The following SFMBT1 variants were observed in gnomAD, a reference collection of about 807,000 sequenced individuals.
SFMBT1 encodes scm-like with four MBT domains protein 1.
In SFMBT1, 32 loss-of-function variants were observed where a neutral mutation model predicts 108.7. The ratio of observed to expected loss-of-function variants is 0.29; its 90% CI spans 0.22 to 0.40. The LOEUF (loss-of-function observed/expected upper bound fraction) is 0.40. Among genes scored for constraint, SFMBT1 ranks in the 10% least tolerant of loss-of-function variants. SFMBT1 has a pLI of 1.00. For missense variants in SFMBT1, 816 were observed against 1,059.6 expected, an observed-to-expected ratio of 0.77 and a Z score of 3.19; for synonymous variants, 348 against 369.5, an observed-to-expected ratio of 0.94 and a Z score of 0.67.
chr3:52,917,088 A>G (rs973823469), intron 13 of SFMBT1, among the ~76,000 whole-genome samples: 2 of 115,764 alleles, frequency 1.7e-5, no homozygotes, highest in African/African-American at 3.1e-5. Flanking sequence ...AAGTCAAGGA[A>G]AAATCCAAGG....
intron 5 of SFMBT1, among the ~76,000 whole-genome samples, chr3:52,934,249 TA>T (rs1163482503): frequency 6.6e-6 from 1 of 152,136 alleles, no homozygotes; most frequent in Non-Finnish European, 1.5e-5. Flanking sequence ...ATGCCACAAA[TA>T]ATTTTACCAG....
At chr3:52,966,114 G>A (rs1175950400) in intron 2 of SFMBT1, among the ~76,000 whole-genome samples, 4 of 144,922 alleles carry the variant, frequency 2.8e-5, no homozygotes, top group Admixed American at 7.0e-5. Flanking sequence ...TCAGGAAATC[G>A]AGACCATCCT....
intron 10 of SFMBT1, 147 bp downstream of exon 10, chr3:52,925,884 C>T: frequency 1.6e-6 from 1 of 618,702 alleles, no homozygotes; most frequent in Non-Finnish European, 2.7e-6. Context: ...AATGTATTTT[C>T]CTTTAGACCA....
intron 2 of SFMBT1, among the ~76,000 whole-genome samples, chr3:52,956,678 T>C (rs1391916415): frequency 6.6e-6 from 1 of 152,014 alleles, no homozygotes; most frequent in Non-Finnish European, 1.5e-5. Flanking sequence ...GAAGAATCAC[T>C]TGAACCGGGG....
chr3:52,972,744 AACACACACACACACACACACACAC>A (rs55859723), intron 1 of SFMBT1, among the ~76,000 whole-genome samples: 4 of 95,092 alleles, frequency 4.2e-5, no homozygotes, highest in East Asian at 6.4e-4. Context: ...ATCTCTACTA[AACACACACACACACACACACACAC>A]ACACACACAC....
At chr3:53,042,677 C>G (rs1375507112) in intron 1 of SFMBT1, among the ~76,000 whole-genome samples, 2 of 152,158 alleles carry the variant, frequency 1.3e-5, no homozygotes, top group South Asian at 4.1e-4. Flanking sequence ...TCTGAGTTTA[C>G]AACAAAACAG....
chr3:52,925,892 C>T, intron 10 of SFMBT1, 139 bp downstream of exon 10: 6 of 665,186 alleles, frequency 9.0e-6, no homozygotes, highest in Non-Finnish European at 1.5e-5. Context: ...TTCCTTTAGA[C>T]CATGTGATTA....
intron 1 of SFMBT1, among the ~76,000 whole-genome samples, chr3:53,001,939 A>T (rs867533895): frequency 5.0e-5 from 7 of 140,592 alleles, no homozygotes; most frequent in African/African-American, 8.5e-5. Context: ...ACACACACAC[A>T]CACACACACA....
chr3:52,914,811 G>T (rs1702305254), intron 14 of SFMBT1, among the ~76,000 whole-genome samples: 1 of 152,148 alleles, frequency 6.6e-6, no homozygotes, highest in Non-Finnish European at 1.5e-5. Flanking sequence ...CACATTTCCA[G>T]TTGAACCCTG....
chr3:52,981,865 G>C (rs573765077), intron 1 of SFMBT1, among the ~76,000 whole-genome samples: 54 of 152,262 alleles, frequency 3.5e-4, no homozygotes, highest in African/African-American at 1.3e-3. Context: ...ACGCCTCGAA[G>C]GGAAAAGATA....
At chr3:52,977,159 C>T (rs1240422177) in intron 1 of SFMBT1, among the ~76,000 whole-genome samples, 1 of 152,130 alleles carries the variant, frequency 6.6e-6, no homozygotes, top group Non-Finnish European at 1.5e-5. Flanking sequence ...AGAGAAACAT[C>T]CCCATGTGTA....
intron 10 of SFMBT1, among the ~76,000 whole-genome samples, chr3:52,923,263 T>C (rs1262353403): frequency 3.3e-5 from 5 of 152,056 alleles, no homozygotes; most frequent in African/African-American, 9.7e-5. Flanking sequence ...AACTATTGCA[T>C]CCTTAGAGCA....
chr3:52,998,820 A>G (rs1237762932), intron 1 of SFMBT1, among the ~76,000 whole-genome samples: 1 of 150,592 alleles, frequency 6.6e-6, no homozygotes, highest in Non-Finnish European at 1.5e-5. Context: ...CTGGCCCACA[A>G]CGTCTTCAGC....
rs1702025847 is a variant in SFMBT1 at position 52,904,870 on chromosome 3, A to ATAAG, written c.*262_*265dup. 2.9e-6 allele frequency: 1 copy of ATAAG among 343,438 alleles called. No homozygotes were observed. The highest frequency in any genetic ancestry group is 7.5e-5 in the South Asian group (1 of 13,376). The allele number at this position is 343,438 out of a possible 1,614,324, so 21.3% of individuals were successfully genotyped here. A position where few individuals can be genotyped will look rare whatever the true frequency, so the allele number is the denominator to read the frequency against. On this transcript the variant is annotated 3_prime_UTR_variant, in exon 21 of 21. Coordinates refer to ENST00000394752, the MANE Select transcript of SFMBT1 (RefSeq NM_016329.4). Reference sequence around the variant, plus strand: ...CCACTGGAAATGCTTTTCTTCTTATATAAGTCTTTTCCTCACAACCTTTAT... The same window carrying ATAAG: ...CCACTGGAAATGCTTTTCTTCTTATATAAGTAAGTCTTTTCCTCACAACCTTTAT...
At chr3:53,041,021 C>G (rs928452309) in intron 1 of SFMBT1, among the ~76,000 whole-genome samples, 6 of 96,056 alleles carry the variant, frequency 6.2e-5, no homozygotes, top group African/African-American at 2.3e-4. Flanking sequence ...CAGGGCTTCC[C>G]TATGTTGTCC....
chr3:52,960,766 T>C (rs1487694734), intron 2 of SFMBT1, among the ~76,000 whole-genome samples: 1 of 152,132 alleles, frequency 6.6e-6, no homozygotes, highest in Non-Finnish European at 1.5e-5. Context: ...GCAACCCAAG[T>C]GTCCATCAAC....
At chr3:53,028,583 A>T (rs1699574577) in intron 1 of SFMBT1, among the ~76,000 whole-genome samples, 1 of 151,684 alleles carries the variant, frequency 6.6e-6, no homozygotes. Context: ...TGAGATGGGA[A>T]AACAGCTTGA....
At chr3:52,991,861 CAG>C (rs1199280805) in intron 1 of SFMBT1, among the ~76,000 whole-genome samples, 1 of 152,180 alleles carries the variant, frequency 6.6e-6, no homozygotes, top group Non-Finnish European at 1.5e-5. Context: ...TTGGACTTCT[CAG>C]ACTCCAGAAT....
At chr3:52,913,685 G>T in intron 14 of SFMBT1, 68 bp from the exon 15 acceptor site, 4 of 1,549,726 alleles carry the variant, frequency 2.6e-6, no homozygotes, top group Non-Finnish European at 3.5e-6. Context: ...AAGCTGAACT[G>T]CCAGGGAAGA....
Sources: gnomAD v4.1 joint callset for allele counts (sites outside exome capture counted in the v4.1 genomes callset) on GRCh38, gnomAD v4.1.1 for gene constraint, MANE v1.5 for transcripts, NCBI Gene and HGNC (gene_info 2026-07-23, HGNC 2026-07-21) for gene names.